The following TASP1 variants were observed in gnomAD, a reference collection of about 807,000 sequenced individuals.
The protein encoded by TASP1 is threonine aspartase 1.
A neutral mutation model predicts 56.6 loss-of-function variants in TASP1; 16 were observed. The ratio of observed to expected loss-of-function variants is 0.28; its 90% CI spans 0.19 to 0.43. TASP1 has a LOEUF of 0.43. Among genes scored for constraint, TASP1 ranks in the 20% least tolerant of loss-of-function variants. TASP1 has a pLI of 1.00. For synonymous variants in TASP1, 179 were observed against 184.2 expected, an observed-to-expected ratio of 0.97 and a Z score of 0.23; for missense variants, 393 against 511.6, an observed-to-expected ratio of 0.77 and a Z score of 2.24.
chr20:13,292,359 C>G, the TASP1 span: 14 of 1,554,750 alleles, frequency 9.0e-6, no homozygotes, highest in Middle Eastern at 1.7e-4. Flanking sequence ...AAAATGAGCT[C>G]TTGTCTGTGT....
the TASP1 span, among the ~76,000 whole-genome samples, chr20:13,266,129 C>G: frequency 6.6e-6 from 1 of 152,172 alleles, no homozygotes; most frequent in South Asian, 2.1e-4. Flanking sequence ...CATATGGTCG[C>G]ACTCAGATGA....
the TASP1 span, chr20:13,222,021 A>C: frequency 9.5e-7 from 1 of 1,051,288 alleles, no homozygotes; most frequent in Non-Finnish European, 1.2e-6. Flanking sequence ...CCCCTGCCCC[A>C]CCTAAGAGCA....
intron 10 of TASP1, 94 bp from the exon 11 acceptor site, chr20:13,483,431 G>A: frequency 1.4e-6 from 1 of 735,930 alleles, no homozygotes; most frequent in Admixed American, 3.1e-5. Flanking sequence ...CATCATTTAA[G>A]AGAGTAGTTA....
chr20:13,634,398 G>A (rs2049211418), intron 1 of TASP1, among the ~76,000 whole-genome samples: 2 of 152,168 alleles, frequency 1.3e-5, no homozygotes, highest in African/African-American at 4.8e-5. Context: ...GTGATGGAGA[G>A]GGACTGCTAC....
the TASP1 span, among the ~76,000 whole-genome samples, chr20:13,216,653 T>G: frequency 4.3e-3 from 659 of 152,246 alleles, 6 homozygotes; most frequent in African/African-American, 0.015. Context: ...TAATGAAAGT[T>G]CCTGGAACAA....
chr20:13,135,026 T>G, the TASP1 span, among the ~76,000 whole-genome samples: 1 of 152,352 alleles, frequency 6.6e-6, no homozygotes, highest in African/African-American at 2.4e-5. Context: ...TGCTTTCACA[T>G]AACTTTTTGA....
At chr20:13,134,460 T>G in the TASP1 span, among the ~76,000 whole-genome samples, 1 of 152,206 alleles carries the variant, frequency 6.6e-6, no homozygotes, top group Non-Finnish European at 1.5e-5. Context: ...TCATTTCATA[T>G]TTCATGATGA....
chr20:13,285,113 C>T, the TASP1 span, among the ~76,000 whole-genome samples: 1 of 152,082 alleles, frequency 6.6e-6, no homozygotes, highest in African/African-American at 2.4e-5. Context: ...ATAGTGAAAC[C>T]TCATCTCTAT....
At chr20:13,208,171 A>T in the TASP1 span, among the ~76,000 whole-genome samples, 4 of 152,324 alleles carry the variant, frequency 2.6e-5, no homozygotes, top group Admixed American at 2.0e-4. Flanking sequence ...CCTATGCCAT[A>T]AGACGACACT....
intron 10 of TASP1, 79 bp from the exon 11 acceptor site, chr20:13,483,416 T>C: frequency 1.1e-6 from 1 of 870,146 alleles, no homozygotes; most frequent in Non-Finnish European, 1.7e-6. Flanking sequence ...TAGAACACCC[T>C]TATGCATCAT....
chr20:13,509,702 C>T (rs2044257163), intron 10 of TASP1, among the ~76,000 whole-genome samples: 2 of 152,116 alleles, frequency 1.3e-5, no homozygotes, highest in African/African-American at 4.8e-5. Flanking sequence ...CTCGGCCAAC[C>T]GCAACTTCCA....
At chr20:13,623,854 A>G (rs1164803427) in intron 3 of TASP1, among the ~76,000 whole-genome samples, 2 of 152,222 alleles carry the variant, frequency 1.3e-5, no homozygotes. Context: ...CTGACAATTC[A>G]TATTTTATAC....
At chr20:13,477,488 T>C (rs1388694179) in intron 11 of TASP1, among the ~76,000 whole-genome samples, 1 of 152,144 alleles carries the variant, frequency 6.6e-6, no homozygotes, top group African/African-American at 2.4e-5. Context: ...TGTACCATGA[T>C]ATTAGTCGTT....
chr20:13,261,336 T>TGAACCCAGAAG, the TASP1 span, among the ~76,000 whole-genome samples: 5 of 151,548 alleles, frequency 3.3e-5, no homozygotes, highest in Admixed American at 6.6e-5. Flanking sequence ...GAGAATCGCC[T>TGAACCCAGAAG]GAACCCAGAA....
the TASP1 span, among the ~76,000 whole-genome samples, chr20:13,162,451 C>T: frequency 2.6e-5 from 4 of 152,240 alleles, no homozygotes; most frequent in South Asian, 8.3e-4. Context: ...AGATCATGTG[C>T]CCATCTCAAC....
intron 4 of TASP1, among the ~76,000 whole-genome samples, chr20:13,593,399 G>C (rs1433144176): frequency 6.6e-6 from 1 of 152,154 alleles, no homozygotes; most frequent in Non-Finnish European, 1.5e-5. Context: ...GAAGCTGGGT[G>C]GGGCATCGCC....
At chr20:13,483,361 G>C in intron 10 of TASP1, 24 bp from the exon 11 acceptor site, 1 of 1,510,444 alleles carries the variant, frequency 6.6e-7, no homozygotes, top group South Asian at 1.3e-5. Flanking sequence ...GAAACCAACA[G>C]TTGAGGAAAA....
intron 4 of TASP1, among the ~76,000 whole-genome samples, chr20:13,588,206 T>C (rs1478783709): frequency 7.3e-6 from 1 of 137,594 alleles, no homozygotes; most frequent in Non-Finnish European, 1.5e-5. Flanking sequence ...TACTGTACAA[T>C]CTAACCAGAC....
intron 6 of TASP1, among the ~76,000 whole-genome samples, chr20:13,578,217 T>TA (rs776030483): frequency 3.9e-4 from 60 of 152,240 alleles, no homozygotes; most frequent in Admixed American, 1.8e-3. Context: ...TTTTTTTTTT[T>TA]ACTAACAATT....
Sources: allele counts gnomAD v4.1 joint callset (sites outside exome capture counted in the v4.1 genomes callset), GRCh38; gene constraint gnomAD v4.1.1; transcripts MANE v1.5; gene names NCBI Gene and HGNC (gene_info 2026-07-23, HGNC 2026-07-21).